The following VPS53 variants were observed in gnomAD, a reference collection of about 807,000 sequenced individuals.
The protein encoded by VPS53 is VPS53 subunit of GARP complex, also known as vacuolar protein sorting-associated protein 53 homolog.
Under a neutral mutation model 107.0 loss-of-function variants are expected in VPS53, and 70 were observed. The observed-to-expected ratio is 0.65, with a 90% CI of 0.54 to 0.80. The LOEUF (loss-of-function observed/expected upper bound fraction) is 0.80. VPS53 is among the 30% of genes least tolerant of loss of function. The pLI is 0.00. For synonymous variants in VPS53, 409 were observed against 393.3 expected (o/e 1.04, Z -0.47); for missense variants, 917 against 1,049.4 (o/e 0.87, Z 1.74).
At position 598,540 on chromosome 17, in the gene VPS53, A is replaced by C. The variant is rs1201655024; in HGVS notation, c.1218+3255T>G. The stretch of plus-strand genomic sequence containing the variant: ...GGAGCACCTCTTCCCGGCCGCCATC[A>C]CATCTAGGAAGTGAGGAGCGTCTCT... On this transcript the variant is annotated intron_variant, in intron 12 of 21. Transcript: ENST00000437048. Among the ~76,000 whole-genome samples the C allele has an allele frequency of 4.1e-5, 6 of 145,382 alleles. No homozygotes were observed. In the South Asian group the frequency reaches 6.7e-4, roughly 16 times the overall value.
chr17:519,198 G>T lies in VPS53; in HGVS notation c.2429C>A (p.Thr810Lys), dbSNP rs534144942. Residue 810 changes from threonine to lysine, a missense_variant, in exon 22 of 22, where the codon ACG (threonine) becomes AAG (lysine). Physicochemically the swap from Thr to Lys is moderately conservative, Grantham distance 78. Transcript: ENST00000437048. This position sits in a 1 kb window ranked among gnomAD's most constrained non-coding sequence, Gnocchi z 5.0. ...CGACTCTTGCTCTGGTGTTGGCGCC[G>T]TCAGGGACAGTGAGCCGGAGCTTTC... The part of the protein sequence containing the change: ...GAESSGSLSL[T>K]APTPEQESSR... 1.9e-6 allele frequency: 3 copies of T among 1,548,890 alleles called. No individual in the cohort carries two copies. Among genetic ancestry groups the T allele is most frequent in the Non-Finnish European group, 1.7e-6 (2 of 1,146,192 alleles).
chr17:672,223 C>G (rs1361385290), intron 4 of VPS53, among the ~76,000 whole-genome samples: 1 of 148,416 alleles, frequency 6.7e-6, no homozygotes, highest in Non-Finnish European at 1.5e-5. Context: ...GAGCTTTACT[C>G]CCGTCTTTGG....
chr17:707,456 G>A (rs1265243411), intron 2 of VPS53, among the ~76,000 whole-genome samples: 1 of 151,468 alleles, frequency 6.6e-6, no homozygotes, highest in Non-Finnish European at 1.5e-5. Context: ...GGAGGCAGAG[G>A]TTGCAGTGAG....
rs1486474912 is a variant in VPS53 at position 520,744 on chromosome 17, G to C, written c.2224-814C>G. Among the ~76,000 whole-genome samples, 1 of 151,944 alleles carries C rather than the reference G, an allele frequency of 6.6e-6. No homozygotes were observed. The highest frequency in any genetic ancestry group is 1.9e-4 in the East Asian group (1 of 5,176). ...CTCCTCCCCAGCAGTAAGCAGCAGG[G>C]AAAGAACATGATGAGGCAGCTTCAC... On this transcript the variant is annotated intron_variant, in intron 20 of 21. Transcript: ENST00000437048. This position sits in a 1 kb window ranked among gnomAD's most constrained non-coding sequence, Gnocchi z 4.4.
chr17:599,165 C>A (rs62056470), intron 12 of VPS53, among the ~76,000 whole-genome samples: 11,899 of 146,956 alleles, frequency 0.081, 454 homozygotes, highest in Non-Finnish European at 0.11. Context: ...CCGCCCCGCC[C>A]GGGAGGTGAG....
intron 11 of VPS53, among the ~76,000 whole-genome samples, chr17:617,792 C>T: frequency 7.0e-6 from 1 of 142,314 alleles, no homozygotes; most frequent in Non-Finnish European, 1.5e-5. Flanking sequence ...GCTGGGACTA[C>T]AGGCGTGCGC....
intron 19 of VPS53, among the ~76,000 whole-genome samples, chr17:527,061 A>G (rs1909173020): frequency 6.6e-6 from 1 of 152,234 alleles, no homozygotes; most frequent in African/African-American, 2.4e-5. Flanking sequence ...AAAATTAGGT[A>G]TAACTTTCAC....
chr17:528,219 C>T (rs1909265133), intron 19 of VPS53, among the ~76,000 whole-genome samples: 1 of 152,158 alleles, frequency 6.6e-6, no homozygotes, highest in South Asian at 2.1e-4. Flanking sequence ...CATTATCACC[C>T]CAGAAAGAAA....
chr17:590,092 CATCCCTTGTA>C (rs1273377630), intron 12 of VPS53, among the ~76,000 whole-genome samples: 5 of 152,296 alleles, frequency 3.3e-5, no homozygotes, highest in African/African-American at 1.2e-4. Context: ...AGGACCTTCA[CATCCCTTGTA>C]AGTTGGATTC....
intron 11 of VPS53, among the ~76,000 whole-genome samples, chr17:605,136 G>A (rs1309710127): frequency 6.6e-5 from 10 of 152,164 alleles, no homozygotes; most frequent in South Asian, 4.1e-4. Context: ...GGAACAGCAC[G>A]TGTCTGCCGC....
At chr17:684,153 T>C (rs938026115) in intron 4 of VPS53, among the ~76,000 whole-genome samples, 4 of 152,242 alleles carry the variant, frequency 2.6e-5, no homozygotes, top group Non-Finnish European at 4.4e-5. Flanking sequence ...ACAAGCAAGA[T>C]GCTAGATTTA....
intron 7 of VPS53, among the ~76,000 whole-genome samples, chr17:644,522 C>A (rs1239812327): frequency 6.6e-6 from 1 of 152,126 alleles, no homozygotes; most frequent in Non-Finnish European, 1.5e-5. Context: ...CTTAAAAAAA[C>A]AATCCTAGTC....
rs1567593449 is a variant in VPS53 at position 518,304 on chromosome 17, CGTGCCAGGCCAGGCTCTCAGCCTG to C, written c.*800_*823del. The C allele has an allele frequency of 6.6e-6, 1 of 152,122 alleles. No homozygotes were observed. 9.4% of individuals were successfully genotyped at this position (152,122 alleles called of 1,614,324 possible). On this transcript the variant is annotated 3_prime_UTR_variant, in exon 22 of 22. Transcript: ENST00000437048. ...AAGGGCGGGGGGGGCGGGCAGGCTG[CGTGCCAGGCCAGGCTCTCAGCCTG>C]GTCTTTAAGGTCCATATTCTGTTCC...
intron 11 of VPS53, among the ~76,000 whole-genome samples, chr17:612,435 C>G (rs1240762760): frequency 2.9e-5 from 4 of 136,430 alleles, no homozygotes; most frequent in African/African-American, 1.1e-4. Flanking sequence ...AAAACCTGTA[C>G]AAATATTCAC....
intron 7 of VPS53, among the ~76,000 whole-genome samples, chr17:649,648 G>A (rs1015964576): frequency 2.0e-5 from 3 of 151,472 alleles, no homozygotes. Flanking sequence ...TACACTTGAG[G>A]ACAGAGAAAT....
chr17:665,707 A>G (rs1018800974), intron 4 of VPS53, among the ~76,000 whole-genome samples: 1 of 152,216 alleles, frequency 6.6e-6, no homozygotes, highest in African/African-American at 2.4e-5. Context: ...GAGTGTTGGT[A>G]GAAATACAGA....
chr17:655,266 ATGTTCTGAT>A (rs1284365061), intron 6 of VPS53, among the ~76,000 whole-genome samples: 2 of 152,056 alleles, frequency 1.3e-5, no homozygotes, highest in Non-Finnish European at 2.9e-5. Context: ...TCTATTTCTA[ATGTTCTGAT>A]GTATCATTCC....
chr17:700,888 G>T (rs1973172048), intron 2 of VPS53, among the ~76,000 whole-genome samples: 1 of 152,194 alleles, frequency 6.6e-6, no homozygotes, highest in Non-Finnish European at 1.5e-5. Flanking sequence ...GAGGCCAGGT[G>T]CCTTCCAGGA....
At chr17:631,150 A>G (rs917379626) in intron 8 of VPS53, among the ~76,000 whole-genome samples, 2 of 152,146 alleles carry the variant, frequency 1.3e-5, no homozygotes, top group Non-Finnish European at 2.9e-5. Context: ...TGAGAGTTAC[A>G]TAAGATGGTG....
Sources: gnomAD v4.1 joint callset for allele counts (sites outside exome capture counted in the v4.1 genomes callset) on GRCh38, gnomAD v4.1.1 for gene constraint, Gnocchi (gnomAD v3.1) non-coding constraint, MANE v1.5 for transcripts, NCBI Gene and HGNC (gene_info 2026-07-23, HGNC 2026-07-21) for gene names.